The following TDRD5 variants were observed in gnomAD, a reference collection of about 807,000 sequenced individuals.
TDRD5 encodes tudor domain containing 5.
TDRD5 carries 41 observed loss-of-function variants against 120.6 expected under a neutral mutation model. The observed-to-expected ratio is 0.34, with a 90% CI of 0.26 to 0.44. The LOEUF is 0.44. Ranked by LOEUF, TDRD5 falls within the 20% of genes least tolerant of loss-of-function variation. TDRD5 has a pLI of 1.00. For missense variants in TDRD5, 1,006 were observed against 1,221.2 expected (o/e 0.82, Z 2.63); for synonymous variants, 430 against 433.7 (o/e 0.99, Z 0.11).
rs1310828713 is a variant in TDRD5, at chr1:179,683,328, A to G, written c.2861-7368A>G. On this transcript the variant is annotated intron_variant, in intron 17 of 17. Transcript: ENST00000444136. ...AGAGAGTAAATATTCTCGTTGAAAA[A>G]CACCATGACTGAAAGCAGAAATTTT... Among the ~76,000 whole-genome samples, 8 of 152,128 alleles carry G rather than the reference A, an allele frequency of 5.3e-5. 1 individual carries two copies. Among genetic ancestry groups the G allele is most frequent in the African/African-American group, 1.2e-4 (5 of 41,432 alleles).
At chr1:179,635,487 G>T (rs560379775) in intron 8 of TDRD5, among the ~76,000 whole-genome samples, 180 bp from the exon 9 acceptor site, 2 of 152,200 alleles carry the variant, frequency 1.3e-5, no homozygotes, top group South Asian at 4.2e-4. Flanking sequence ...ATGCATAATT[G>T]TGGGCCCCAT....
intron 16 of TDRD5, among the ~76,000 whole-genome samples, chr1:179,667,219 A>C (rs1013987155): frequency 6.6e-6 from 1 of 152,240 alleles, no homozygotes; most frequent in African/African-American, 2.4e-5. Flanking sequence ...TAATTGCTTA[A>C]ATTTACTACA....
chr1:179,593,931 CTA>C, intron 3 of TDRD5, 64 bp downstream of exon 3: 2 of 1,540,312 alleles, frequency 1.3e-6, no homozygotes, highest in Non-Finnish European at 8.7e-7. Context: ...TCACTAAGGT[CTA>C]TGAGTTCGTT....
chr1:179,690,986 G>T lies in TDRD5; in HGVS notation c.*43G>T. Reference sequence around the variant, plus strand: ...GAGAAAAACAGAATCCAGCCGCTTAGGCTTTGATGAACTCCCAGGCCAAAA... The same window carrying T: ...GAGAAAAACAGAATCCAGCCGCTTATGCTTTGATGAACTCCCAGGCCAAAA... On this transcript the variant is annotated 3_prime_UTR_variant, in exon 18 of 18. Transcript: ENST00000444136. 7.0e-6 allele frequency: 11 copies of T among 1,570,942 alleles called. No individual in the cohort carries two copies. The highest frequency in any genetic ancestry group is 9.5e-6 in the Non-Finnish European group (11 of 1,161,062).
Position 179,690,776 on chromosome 1 carries a change from G to T in TDRD5, c.2941G>T (p.Glu981Ter). 5 of 1,614,212 alleles carry T rather than the reference G, an allele frequency of 3.1e-6. No homozygotes were observed. Among genetic ancestry groups the T allele is most frequent in the Non-Finnish European group, 4.2e-6 (5 of 1,180,028 alleles). The part of the protein sequence containing the change: ...AITLYKDKRQ[E>*]SVDQLSLILS... ...TACATTGTACAAAGACAAGCGTCAA[G>T]AATCTGTAGACCAGCTGTCTTTGAT... The change falls in exon 18 of 18, where the codon GAA becomes TAA. Residue 981 changes from glutamate (E) to a stop codon, truncating the protein, a stop_gained. Transcript: ENST00000444136. LOFTEE classifies it high-confidence loss of function.
chr1:179,659,451 T>A lies in TDRD5; in HGVS notation c.2323-2653T>A, dbSNP rs4307529. On this transcript the variant is annotated intron_variant, in intron 14 of 17. Coordinates refer to ENST00000444136, the MANE Select transcript of TDRD5 (RefSeq NM_001199085.3). Reference sequence around the variant, plus strand: ...TAGGATTCTTACATGTCTTGGTGAATTGACCCTTTTATCATTATGAAATGT... The same window carrying A: ...TAGGATTCTTACATGTCTTGGTGAAATGACCCTTTTATCATTATGAAATGT... Among the ~76,000 whole-genome samples the A allele has an allele frequency of 1.5e-3, 231 of 152,252 alleles. 1 individual carries two copies. The highest frequency in any genetic ancestry group is 5.1e-3 in the African/African-American group (210 of 41,558).
chr1:179,597,018 C>A lies in TDRD5; in HGVS notation c.831+1200C>A, dbSNP rs186818147. Among the ~76,000 whole-genome samples, 337 of 152,278 alleles carry A rather than the reference C, an allele frequency of 2.2e-3. 2 individuals are homozygous for A. The highest frequency in any genetic ancestry group is 2.4e-3 in the Non-Finnish European group (162 of 68,018). ...TTTGAGTGGGTGTGTAGTGCTATCT[C>A]ATGGTTTTAAGTTGGATCATAATAA... On this transcript the variant is annotated intron_variant, in intron 4 of 17. Coordinates refer to ENST00000444136, the MANE Select transcript of TDRD5 (RefSeq NM_001199085.3).
intron 7 of TDRD5, among the ~76,000 whole-genome samples, chr1:179,634,126 G>A (rs902142735): frequency 2.0e-5 from 3 of 149,122 alleles, no homozygotes; most frequent in African/African-American, 7.4e-5. Flanking sequence ...AGCCGAGATC[G>A]CACCACTGCA....
intron 3 of TDRD5, among the ~76,000 whole-genome samples, chr1:179,594,817 A>G (rs992312310): frequency 2.0e-5 from 3 of 152,238 alleles, no homozygotes; most frequent in Non-Finnish European, 4.4e-5. Context: ...GGAGGCCACT[A>G]AGTGTTTCAA....
intron 4 of TDRD5, among the ~76,000 whole-genome samples, chr1:179,597,097 C>G (rs1310684577): frequency 6.6e-6 from 1 of 152,038 alleles, no homozygotes; most frequent in Non-Finnish European, 1.5e-5. Flanking sequence ...TTTGTATTTC[C>G]TTTTTGAAGT....
At chr1:179,651,802 A>C (rs1282339811) in intron 12 of TDRD5, among the ~76,000 whole-genome samples, 2 of 151,634 alleles carry the variant, frequency 1.3e-5, no homozygotes, top group South Asian at 2.1e-4. Context: ...AGTCCCAGCT[A>C]CTCAGGAGGC....
intron 11 of TDRD5, among the ~76,000 whole-genome samples, chr1:179,641,588 A>G (rs756431105): frequency 6.6e-6 from 1 of 152,116 alleles, no homozygotes; most frequent in African/African-American, 2.4e-5. Flanking sequence ...CCACCACTCA[A>G]ACATACACAG....
intron 4 of TDRD5, 136 bp from the exon 5 acceptor site, chr1:179,618,463 T>G (rs1676672447): frequency 1.9e-6 from 1 of 523,006 alleles, no homozygotes; most frequent in Non-Finnish European, 3.3e-6. Context: ...CAGTTCCTCT[T>G]AAGAACAGTA....
At chr1:179,597,064 T>A in intron 4 of TDRD5, among the ~76,000 whole-genome samples, 1 of 152,242 alleles carries the variant, frequency 6.6e-6, no homozygotes, top group East Asian at 1.9e-4. Context: ...ATGTTGAGCA[T>A]CTTTTCACAT....
intron 2 of TDRD5, 140 bp downstream of exon 2, chr1:179,592,987 T>C: frequency 1.1e-6 from 1 of 903,966 alleles, no homozygotes; most frequent in Non-Finnish European, 1.6e-6. Context: ...CATAGGTGCT[T>C]TTGAGGTTGT....
At chr1:179,637,376 A>T (rs1677816808) in intron 9 of TDRD5, among the ~76,000 whole-genome samples, 1 of 152,214 alleles carries the variant, frequency 6.6e-6, no homozygotes, top group Non-Finnish European at 1.5e-5. Context: ...AAATGAGATA[A>T]TGATAGTACC....
chr1:179,592,472 T>C (rs1224031310), intron 1 of TDRD5, 130 bp from the exon 2 acceptor site: 2 of 696,884 alleles, frequency 2.9e-6, no homozygotes, highest in Non-Finnish European at 4.8e-6. Context: ...CAGGGCACCC[T>C]CATACTACTA....
At chr1:179,627,772 G>A (rs1677208243) in intron 6 of TDRD5, among the ~76,000 whole-genome samples, 1 of 152,154 alleles carries the variant, frequency 6.6e-6, no homozygotes, top group Non-Finnish European at 1.5e-5. Context: ...TCAACATAGA[G>A]GATGATGGAA....
chr1:179,622,339 A>T (rs912502494), intron 6 of TDRD5, among the ~76,000 whole-genome samples: 1 of 152,222 alleles, frequency 6.6e-6, no homozygotes, highest in African/African-American at 2.4e-5. Flanking sequence ...AGCATAAAAG[A>T]TTCCAGATTC....
Sources: allele counts gnomAD v4.1 joint callset (sites outside exome capture counted in the v4.1 genomes callset), GRCh38; gene constraint gnomAD v4.1.1; transcripts MANE v1.5; gene names NCBI Gene and HGNC (gene_info 2026-07-23, HGNC 2026-07-21).